KIF6: variants seen among roughly 807,000 people sequenced by gnomAD.
KIF6 encodes the protein kinesin family member 6.
KIF6 carries 106 observed loss-of-function variants against 112.7 expected under a neutral mutation model. The ratio of observed to expected loss-of-function variants is 0.94; its 90% confidence interval spans 0.80 to 1.11. The LOEUF (loss-of-function observed/expected upper bound fraction) is 1.11, where lower values mean the gene tolerates loss of function less well. KIF6 is among the 50% of genes least tolerant of loss of function. KIF6 has a pLI of 0.00. For missense variants in KIF6, 929 were observed against 964.0 expected, an observed-to-expected ratio of 0.96 and a Z score of 0.48; for synonymous variants, 339 against 339.9, an observed-to-expected ratio of 1.00 and a Z score of 0.03.
chr6:39,354,917 C>T (rs1383854613), intron 19 of KIF6, among the ~76,000 whole-genome samples: 2 of 152,224 alleles, frequency 1.3e-5, no homozygotes, highest in African/African-American at 4.8e-5. Context: ...GGTGCTCACA[C>T]CTGCAATCCC....
chr6:39,521,673 C>T (rs1777410376), intron 13 of KIF6, among the ~76,000 whole-genome samples: 1 of 152,312 alleles, frequency 6.6e-6, no homozygotes, highest in East Asian at 1.9e-4. Flanking sequence ...CCAACTTCCA[C>T]AGGATGCTGT....
chr6:39,590,451 A>ATATTTTT (rs1338373703), intron 7 of KIF6, among the ~76,000 whole-genome samples: 7 of 84,750 alleles, frequency 8.3e-5, no homozygotes, highest in African/African-American at 3.6e-4. Context: ...ATATATATAT[A>ATATTTTT]TTTTTTTTTT....
rs150520804 is a variant in KIF6 at position 39,584,916 on chromosome 6, T to G, written c.1059A>C (p.Glu353Asp). The G allele has an allele frequency of 7.4e-4, 1,189 of 1,608,716 alleles. 12 individuals are homozygous for G. The highest frequency in any genetic ancestry group is 2.2e-3 in the South Asian group (202 of 90,658). Residue 353 changes from glutamate to aspartate, a missense_variant, in exon 9 of 23, where the codon GAA becomes GAC. This residue lies in a region of KIF6 where 688 missense variants were observed against 662.7 expected (regional missense o/e 1.04). Coordinates refer to ENST00000287152, the MANE Select transcript of KIF6 (RefSeq NM_145027.6). ...TGCTTACTAATCTGGGGTTAATTTCTTCATTAAGAACAGCTTCATTCTTTA... is the reference window on the plus strand; with the variant it reads ...TGCTTACTAATCTGGGGTTAATTTCGTCATTAAGAACAGCTTCATTCTTTA... Reference protein sequence around the residue: ...ALIKNEAVLNEEINPRLVIKR... With the variant: ...ALIKNEAVLNDEINPRLVIKR...
intron 15 of KIF6, among the ~76,000 whole-genome samples, chr6:39,391,862 C>A (rs1405912696): frequency 1.3e-5 from 2 of 151,984 alleles, no homozygotes; most frequent in Non-Finnish European, 2.9e-5. Context: ...CACTCATCAG[C>A]CTGGGCAATG....
rs191725507 is a variant in KIF6 at position 39,688,480 on chromosome 6, C to T, written c.251+26212G>A. On this transcript the variant is annotated intron_variant, in intron 3 of 22. Transcript: ENST00000287152. ...GTACCAGTTGTGAGGATAAATGCAC[C>T]GAGATAGAAGTTCACATGAATAGAA... Among the ~76,000 whole-genome samples, 351 of 151,938 alleles carry T rather than the reference C, an allele frequency of 2.3e-3. 1 individual carries two copies. The highest frequency in any genetic ancestry group is 3.8e-3 in the Non-Finnish European group (255 of 67,946).
At chr6:39,337,156 TTTC>T (rs1472232268) in intron 22 of KIF6, among the ~76,000 whole-genome samples, 1 of 51,664 alleles carries the variant, frequency 1.9e-5, no homozygotes, top group Non-Finnish European at 3.2e-5. Context: ...TTCTCTTTCT[TTTC>T]TTTCTTTCCT....
At chr6:39,703,735 G>A (rs1049263779) in intron 3 of KIF6, among the ~76,000 whole-genome samples, 11 of 152,208 alleles carry the variant, frequency 7.2e-5, no homozygotes, top group African/African-American at 2.6e-4. Flanking sequence ...GATAAAGCAC[G>A]AGATAAATTT....
intron 17 of KIF6, among the ~76,000 whole-genome samples, chr6:39,361,687 C>T (rs143383592): frequency 0.012 from 1,764 of 151,974 alleles, 22 homozygotes; most frequent in Non-Finnish European, 0.018. Flanking sequence ...CGTGTGTGCT[C>T]AGGTAGACTT....
chr6:39,546,825 CAAA>C (rs35366749), intron 10 of KIF6, among the ~76,000 whole-genome samples: 22 of 104,062 alleles, frequency 2.1e-4, no homozygotes, highest in Admixed American at 2.0e-4. Context: ...GACCCTGTCT[CAAA>C]AAAAAAAAAA....
chr6:39,661,143 A>G (rs1295710835), intron 3 of KIF6, among the ~76,000 whole-genome samples: 1 of 152,222 alleles, frequency 6.6e-6, no homozygotes, highest in Non-Finnish European at 1.5e-5. Context: ...GAAAAGACAC[A>G]TCAAATTCTG....
At chr6:39,461,979 T>C (rs970759070) in intron 13 of KIF6, among the ~76,000 whole-genome samples, 1 of 151,632 alleles carries the variant, frequency 6.6e-6, no homozygotes, top group South Asian at 2.1e-4. Context: ...CTTAAATTAA[T>C]TAAAATGAAA....
At chr6:39,546,088 A>AT (rs748277932) in intron 10 of KIF6, among the ~76,000 whole-genome samples, 1 of 152,088 alleles carries the variant, frequency 6.6e-6, no homozygotes, top group East Asian at 1.9e-4. Flanking sequence ...ATACCCCACT[A>AT]TTTTTTTAAT....
At chr6:39,422,845 C>T (rs567520003) in intron 14 of KIF6, among the ~76,000 whole-genome samples, 82 of 152,304 alleles carry the variant, frequency 5.4e-4, no homozygotes, top group Non-Finnish European at 6.0e-4. Context: ...TTTCCTGCCT[C>T]CTGATTATCT....
At chr6:39,351,615 T>A (rs531991937) in intron 19 of KIF6, among the ~76,000 whole-genome samples, 1 of 152,040 alleles carries the variant, frequency 6.6e-6, no homozygotes, top group South Asian at 2.1e-4. Flanking sequence ...TGCCCCTCTC[T>A]CTCTCTCTCA....
At chr6:39,441,564 G>A (rs536748073) in intron 13 of KIF6, among the ~76,000 whole-genome samples, 28 of 152,302 alleles carry the variant, frequency 1.8e-4, no homozygotes, top group African/African-American at 6.3e-4. Context: ...TGACTTTAAA[G>A]GGCCTGGTGT....
chr6:39,571,871 A>C (rs1780656569), intron 10 of KIF6, among the ~76,000 whole-genome samples: 1 of 149,516 alleles, frequency 6.7e-6, no homozygotes, highest in African/African-American at 2.5e-5. Context: ...TACACTCCTT[A>C]CCCCACCCCT....
At chr6:39,377,972 G>A (rs1403310567) in intron 16 of KIF6, among the ~76,000 whole-genome samples, 1 of 152,072 alleles carries the variant, frequency 6.6e-6, no homozygotes, top group African/African-American at 2.4e-5. Flanking sequence ...GTATTCGTGG[G>A]GGAATCTCAG....
chr6:39,586,253 C>A lies in KIF6; in HGVS notation c.990+8G>T. On this transcript the variant is annotated splice_region_variant and intron_variant, in intron 8 of 22. Transcript: ENST00000287152. ...GATTAAGATCTCCAGAAAGAAGAGC[C>A]CACATACATCAAGATTCCTTTTCTC... is the stretch of plus-strand genomic sequence containing the variant. 4 of 1,614,010 alleles carry A rather than the reference C, an allele frequency of 2.5e-6. No homozygotes were observed. The highest frequency in any genetic ancestry group is 2.5e-6 in the Non-Finnish European group (3 of 1,179,944).
intron 5 of KIF6, among the ~76,000 whole-genome samples, chr6:39,614,636 T>C (rs1783407326): frequency 6.6e-6 from 1 of 152,194 alleles, no homozygotes; most frequent in South Asian, 2.1e-4. Context: ...TTTAGACTCT[T>C]TTTTGTTTCC....
Sources: allele counts gnomAD v4.1 joint callset (sites outside exome capture counted in the v4.1 genomes callset), GRCh38; gene constraint gnomAD v4.1.1; regional missense constraint gnomAD v4.1.1; transcripts MANE v1.5; gene names NCBI Gene and HGNC (gene_info 2026-07-23, HGNC 2026-07-21).